Variants in LAMC2 observed in about 807,000 individuals in gnomAD.
LAMC2 encodes the protein laminin subunit gamma 2, also known as laminin subunit gamma-2.
A neutral mutation model predicts 140.2 loss-of-function variants in LAMC2; 97 were observed. That is an observed-to-expected ratio of 0.69 (90% confidence interval 0.59 to 0.82). The LOEUF is 0.82. Ranked by LOEUF, LAMC2 falls within the 40% of genes least tolerant of loss-of-function variation. The pLI is 0.00. For synonymous variants in LAMC2, 513 were observed against 540.2 expected (o/e 0.95, Z 0.70); for missense variants, 1,402 against 1,476.1 (o/e 0.95, Z 0.82).
downstream of LAMC2, chr1:183,249,840 T>C (rs578039163): frequency 6.6e-6 from 1 of 152,188 alleles, no homozygotes; most frequent in East Asian, 1.9e-4. Flanking sequence ...GTGCCTGTAA[T>C]CCACAAAGAT....
Position 183,227,545 on chromosome 1 carries a change from A to G in LAMC2, c.1316A>G (p.Asp439Gly). The change falls in exon 10 of 23, where the codon GAC becomes GGC. Residue 439 changes from aspartate (D) to glycine (G), a missense_variant. Physicochemically the swap from Asp to Gly is moderately conservative, Grantham distance 94. Around this residue, in one of 3 missense-constraint regions of LAMC2, gnomAD observed 723 missense variants for 783.3 expected, o/e 0.92. Coordinates refer to ENST00000264144, the MANE Select transcript of LAMC2 (RefSeq NM_005562.3). ...GDCYSGDENP[D>G]IECADCPIGF... ...TGTTATTCAGGGGATGAGAATCCTG[A>G]CATTGAGTGTGCTGACTGCCCAATT... 1 of 1,614,150 alleles carries G rather than the reference A, an allele frequency of 6.2e-7. No homozygotes were observed. The highest frequency in any genetic ancestry group is 8.5e-7 in the Non-Finnish European group (1 of 1,180,018).
intron 7 of LAMC2, 119 bp downstream of exon 7, chr1:183,223,443 C>G: frequency 1.1e-6 from 1 of 949,204 alleles, no homozygotes; most frequent in Non-Finnish European, 1.6e-6. Flanking sequence ...GCACCTTTTA[C>G]GTACCATGAA....
chr1:183,225,126 G>A (rs1659587539), intron 7 of LAMC2, among the ~76,000 whole-genome samples: 1 of 152,210 alleles, frequency 6.6e-6, no homozygotes, highest in Non-Finnish European at 1.5e-5. Context: ...GAGCCAAAAT[G>A]ATGCCAAATT....
At chr1:183,193,803 G>A (rs1352271883) in intron 1 of LAMC2, among the ~76,000 whole-genome samples, 1 of 150,278 alleles carries the variant, frequency 6.7e-6, no homozygotes, top group Non-Finnish European at 1.5e-5. Context: ...GTTCAACTGA[G>A]ATGCAAGATA....
At chr1:183,229,830 A>G (rs1659748734) in intron 11 of LAMC2, among the ~76,000 whole-genome samples, 1 of 152,076 alleles carries the variant, frequency 6.6e-6, no homozygotes. Context: ...CAGGAATTCT[A>G]GGCCAGACCA....
chr1:183,225,755 T>C, intron 8 of LAMC2, 35 bp downstream of exon 8: 1 of 1,406,570 alleles, frequency 7.1e-7, no homozygotes, highest in Non-Finnish European at 1.0e-6. Flanking sequence ...TCTTTCTTCT[T>C]AGGTGTTAGT....
intron 1 of LAMC2, among the ~76,000 whole-genome samples, chr1:183,196,611 C>T (rs1242871175): frequency 6.6e-6 from 1 of 152,102 alleles, no homozygotes; most frequent in African/African-American, 2.4e-5. Context: ...ATTGAAAGAC[C>T]TCATTATAGG....
At chr1:183,254,175 A>C in the LAMC2 span, among the ~76,000 whole-genome samples, 11 of 152,094 alleles carry the variant, frequency 7.2e-5, no homozygotes, top group Non-Finnish European at 1.5e-4. Flanking sequence ...TGTTTTCTAT[A>C]ACGGTTGTAC....
At chr1:183,214,570 AT>A (rs1383900813) in intron 2 of LAMC2, among the ~76,000 whole-genome samples, 1 of 152,160 alleles carries the variant, frequency 6.6e-6, no homozygotes, top group East Asian at 1.9e-4. Context: ...CTTGCAGATC[AT>A]GATATGAAGT....
chr1:183,216,417 T>G (rs1659258492), intron 3 of LAMC2, among the ~76,000 whole-genome samples: 1 of 152,150 alleles, frequency 6.6e-6, no homozygotes. Context: ...CAATTCAGAA[T>G]GAGATAAAAC....
chr1:183,194,770 C>T (rs1480984231), intron 1 of LAMC2, among the ~76,000 whole-genome samples: 2 of 152,104 alleles, frequency 1.3e-5, no homozygotes, highest in African/African-American at 4.8e-5. Flanking sequence ...TTTTTCTAGG[C>T]CATGCAAGAA....
downstream of LAMC2, among the ~76,000 whole-genome samples, chr1:183,245,394 G>T (rs1660220796): frequency 6.6e-6 from 1 of 152,104 alleles, no homozygotes; most frequent in Non-Finnish European, 1.5e-5. Context: ...TCCTGTCTTG[G>T]CATACCCAAT....
At chr1:183,248,137 G>A (rs1660277598), downstream of LAMC2, 1 of 152,506 alleles carries the variant, frequency 6.6e-6, no homozygotes, top group Admixed American at 6.5e-5. Flanking sequence ...CTTGTTCTAA[G>A]TACATTTTTA....
intron 2 of LAMC2, among the ~76,000 whole-genome samples, chr1:183,213,733 G>T (rs570242128): frequency 7.1e-6 from 1 of 140,714 alleles, no homozygotes; most frequent in African/African-American, 2.7e-5. Context: ...CAGGGAGGCA[G>T]AGGTTGCAGT....
At chr1:183,232,152 C>T (rs1041686342) in intron 12 of LAMC2, 35 bp from the exon 13 acceptor site, 4 of 1,612,200 alleles carry the variant, frequency 2.5e-6, no homozygotes, top group Admixed American at 1.7e-5. Flanking sequence ...TACATGGTCT[C>T]CACCCTCGTT....
rs925167781 is a variant in LAMC2 at position 183,243,913 on chromosome 1, A to G, written c.*513A>G. On this transcript the variant is annotated 3_prime_UTR_variant, in exon 23 of 23. Transcript: ENST00000264144. ...CCTCTGCAAGCTTCTTGCTGATCAG[A>G]GTTCCTCCTACTTACAACCCAGGGT... 1 of 188,366 alleles carries G rather than the reference A, an allele frequency of 5.3e-6. No individual in the cohort carries two copies. The highest frequency in any genetic ancestry group is 2.4e-5 in the African/African-American group (1 of 42,300). The allele number at this position is 188,366 out of a possible 1,614,324, so 11.7% of individuals were successfully genotyped here. A position where few individuals can be genotyped will look rare whatever the true frequency, so the allele number is the denominator to read the frequency against.
rs1660132847 is a variant in LAMC2, at chr1:183,241,372, C to T, written c.3328+981C>T. 4 of 964,480 alleles carry T rather than the reference C, an allele frequency of 4.1e-6. No homozygotes were observed. The African/African-American group carries it at 7.0e-5, about 17-fold the overall frequency. 59.7% of individuals were successfully genotyped at this position (964,480 alleles called of 1,614,324 possible). ...ACTTGAGCTGCTTGGGTAAATAACC[C>T]AGAAGAAATGTGATGAGAGTAGGCC... On this transcript the variant is annotated intron_variant, in intron 22 of 22. Transcript: ENST00000264144.
chr1:183,196,693 T>C (rs1658530855), intron 1 of LAMC2, among the ~76,000 whole-genome samples: 1 of 152,216 alleles, frequency 6.6e-6, no homozygotes, highest in South Asian at 2.1e-4. Context: ...AGCAGTCTTT[T>C]GACTCAGAAG....
Position 183,237,483 on chromosome 1 carries a change from G to A in LAMC2, c.2733G>A (p.Gln911=). 1.9e-6 allele frequency: 3 copies of A among 1,614,084 alleles called. No individual in the cohort carries two copies. Among genetic ancestry groups the A allele is most frequent in the Non-Finnish European group, 2.5e-6 (3 of 1,179,950 alleles). The part of the protein sequence containing the change: ...NWKEEAQQLL[Q]NGKSGREKSD... ...AAGAAGAAGCACAGCAGCTCTTACA[G>A]AATGGAAAAAGTGGGAGAGAGGTAT... Residue 911 remains glutamine (Q), a synonymous_variant, in exon 18 of 23, where the codon CAG becomes CAA. Transcript: ENST00000264144.
Sources: allele counts gnomAD v4.1 joint callset (sites outside exome capture counted in the v4.1 genomes callset), GRCh38; gene constraint gnomAD v4.1.1; regional missense constraint gnomAD v4.1.1; transcripts MANE v1.5; gene names NCBI Gene and HGNC (gene_info 2026-07-23, HGNC 2026-07-21).